Variants in FHOD3 observed in about 807,000 individuals in gnomAD.
The protein encoded by FHOD3 is FH1/FH2 domain-containing protein 3.
In FHOD3, 90 loss-of-function variants were observed where a neutral mutation model predicts 173.0. The observed-to-expected ratio is 0.52, with a 90% CI of 0.44 to 0.62. The LOEUF is 0.62. Ranked by LOEUF, FHOD3 falls within the 20% of genes least tolerant of loss-of-function variation. The pLI is 0.00. For synonymous variants in FHOD3, 828 were observed against 823.0 expected (o/e 1.01, Z -0.10); for missense variants, 1,945 against 2,034.7 (o/e 0.96, Z 0.85).
At chr18:36,590,570 A>T (rs1224242646) in intron 6 of FHOD3, among the ~76,000 whole-genome samples, 1 of 152,196 alleles carries the variant, frequency 6.6e-6, no homozygotes, top group South Asian at 2.1e-4. Flanking sequence ...GATTTAACTA[A>T]TATGCTTATT....
At chr18:36,387,818 A>G (rs2048101931) in intron 3 of FHOD3, among the ~76,000 whole-genome samples, 1 of 151,972 alleles carries the variant, frequency 6.6e-6, no homozygotes, top group Non-Finnish European at 1.5e-5. Flanking sequence ...GTGTGCTGTC[A>G]TTGCCCCTTG....
intron 14 of FHOD3, among the ~76,000 whole-genome samples, chr18:36,665,518 A>G (rs556376755): frequency 1.3e-5 from 2 of 151,870 alleles, no homozygotes; most frequent in South Asian, 4.2e-4. Flanking sequence ...CCCCTGGCAA[A>G]AGGTCTGGGA....
At chr18:36,561,338 C>T (rs140363608) in intron 5 of FHOD3, among the ~76,000 whole-genome samples, 216 of 152,186 alleles carry the variant, frequency 1.4e-3, no homozygotes, top group Non-Finnish European at 2.5e-3. Context: ...GGATGGGTGG[C>T]GGTGAGGTCT....
At chr18:36,599,263 C>T (rs925199053) in intron 7 of FHOD3, among the ~76,000 whole-genome samples, 5 of 152,178 alleles carry the variant, frequency 3.3e-5, no homozygotes, top group Non-Finnish European at 5.9e-5. Context: ...GAAATTTGTC[C>T]TAAATCTCAG....
intron 20 of FHOD3, among the ~76,000 whole-genome samples, chr18:36,733,790 T>G (rs968785960): frequency 1.3e-5 from 2 of 152,164 alleles, no homozygotes; most frequent in Admixed American, 1.3e-4. Flanking sequence ...GGTAGGCGCC[T>G]GCCACAGATT....
At chr18:36,403,211 C>G (rs1051963476) in intron 3 of FHOD3, among the ~76,000 whole-genome samples, 1 of 152,150 alleles carries the variant, frequency 6.6e-6, no homozygotes, top group East Asian at 1.9e-4. Context: ...AGGGGGCTGG[C>G]CTAGGGTGTG....
chr18:36,645,564 AATTCTCAATCCCTCTACCTACCTCTT>A (rs1416620478), intron 10 of FHOD3, among the ~76,000 whole-genome samples: 2 of 152,142 alleles, frequency 1.3e-5, no homozygotes, highest in African/African-American at 2.4e-5. Flanking sequence ...TTAGTTACAT[AATTCTCAATCCCTCTACCTACCTCTT>A]TATAAGGCCA....
chr18:36,751,630 T>G (rs1435204613), intron 24 of FHOD3, among the ~76,000 whole-genome samples: 1 of 152,188 alleles, frequency 6.6e-6, no homozygotes, highest in Non-Finnish European at 1.5e-5. Context: ...GCCCTTATTA[T>G]TATATTTTGA....
intron 5 of FHOD3, among the ~76,000 whole-genome samples, chr18:36,563,760 A>G (rs1157380304): frequency 6.6e-6 from 1 of 151,836 alleles, no homozygotes; most frequent in African/African-American, 2.4e-5. Flanking sequence ...TGCCCTGGAA[A>G]CTCATGTGTC....
intron 14 of FHOD3, among the ~76,000 whole-genome samples, chr18:36,669,812 G>A (rs1211694356): frequency 2.6e-5 from 4 of 151,632 alleles, no homozygotes; most frequent in African/African-American, 9.7e-5. Flanking sequence ...ATAAAATAAG[G>A]CTTATATTTA....
At chr18:36,514,172 C>G (rs2055828682) in intron 5 of FHOD3, among the ~76,000 whole-genome samples, 1 of 151,786 alleles carries the variant, frequency 6.6e-6, no homozygotes, top group East Asian at 1.9e-4. Context: ...CCATGCCCAG[C>G]TAATTTTTTT....
intron 5 of FHOD3, among the ~76,000 whole-genome samples, chr18:36,538,615 A>G (rs2057084681): frequency 6.6e-6 from 1 of 152,248 alleles, no homozygotes; most frequent in Non-Finnish European, 1.5e-5. Flanking sequence ...CATCCATACT[A>G]TGGAATACAA....
intron 1 of FHOD3, among the ~76,000 whole-genome samples, chr18:36,306,373 T>G (rs2092097808): frequency 6.6e-6 from 1 of 152,234 alleles, no homozygotes; most frequent in Non-Finnish European, 1.5e-5. Flanking sequence ...TCTTACTCAC[T>G]GTAGTTTACA....
intron 10 of FHOD3, among the ~76,000 whole-genome samples, chr18:36,642,056 C>A (rs28832659): frequency 0.071 from 10,759 of 152,038 alleles, 655 homozygotes; most frequent in East Asian, 0.24. Context: ...CAAATACTGC[C>A]TCTTCTCACT....
chr18:36,355,763 A>C, intron 2 of FHOD3, 118 bp downstream of exon 2: 3 of 779,878 alleles, frequency 3.8e-6, no homozygotes, highest in Non-Finnish European at 4.1e-6. Context: ...TTAATTCTCA[A>C]TCACACACGA....
chr18:36,618,828 C>T (rs891235338), intron 9 of FHOD3, among the ~76,000 whole-genome samples: 1 of 152,122 alleles, frequency 6.6e-6, no homozygotes, highest in Admixed American at 6.5e-5. Flanking sequence ...AATTCCTGAC[C>T]ACTCCTGCAC....
intron 3 of FHOD3, among the ~76,000 whole-genome samples, chr18:36,472,919 G>A (rs1210781094): frequency 1.3e-5 from 2 of 152,204 alleles, no homozygotes. Flanking sequence ...CTGTCTGCAT[G>A]TGATTGTTGT....
intron 2 of FHOD3, among the ~76,000 whole-genome samples, chr18:36,367,719 C>T (rs1473032141): frequency 6.6e-6 from 1 of 152,152 alleles, no homozygotes; most frequent in East Asian, 1.9e-4. Context: ...GAATATCTAT[C>T]TATCTGATAT....
At chr18:36,474,570 A>AG (rs533297521) in intron 3 of FHOD3, among the ~76,000 whole-genome samples, 119 of 152,264 alleles carry the variant, frequency 7.8e-4, no homozygotes, top group Non-Finnish European at 1.4e-3. Context: ...CTGGAATCAA[A>AG]GGAGGGATCA....
Sources: gnomAD v4.1 joint callset for allele counts (sites outside exome capture counted in the v4.1 genomes callset) on GRCh38, gnomAD v4.1.1 for gene constraint, MANE v1.5 for transcripts, NCBI Gene and HGNC (gene_info 2026-07-23, HGNC 2026-07-21) for gene names.